INPP4A: variants seen among roughly 807,000 people sequenced by gnomAD.
INPP4A encodes inositol polyphosphate-4-phosphatase type I A.
Under a neutral mutation model 119.8 loss-of-function variants are expected in INPP4A, and 33 were observed. The observed-to-expected ratio is 0.28, with a 90% CI of 0.21 to 0.37. The LOEUF (loss-of-function observed/expected upper bound fraction) is 0.37, where lower values mean the gene tolerates loss of function less well. Among genes scored for constraint, INPP4A ranks in the 10% least tolerant of loss-of-function variants. The probability of loss-of-function intolerance (pLI) is 1.00; values close to 1 mark genes in which losing one functional copy is unlikely to be tolerated. For missense variants in INPP4A, 956 were observed against 1,289.9 expected, an observed-to-expected ratio of 0.74 and a Z score of 3.97; for synonymous variants, 496 against 500.7, an observed-to-expected ratio of 0.99 and a Z score of 0.12.
rs977776066 is a variant in INPP4A at position 98,576,871 on chromosome 2, G to A, written c.2632-118G>A. On this transcript the variant is annotated intron_variant, in intron 23 of 24. Coordinates refer to ENST00000409851, the MANE Select transcript of INPP4A (RefSeq NM_001134225.2). ...AAATTGGAGCGTCTGGCCAGGCCTGGGTGTTGAGTTTCTGTTCCTGCCCTT... is the reference window on the plus strand; with the variant it reads ...AAATTGGAGCGTCTGGCCAGGCCTGAGTGTTGAGTTTCTGTTCCTGCCCTT... 10 of 1,242,942 alleles carry A rather than the reference G, an allele frequency of 8.0e-6. No individual in the cohort carries two copies. The East Asian group carries it at 1.7e-4, about 21-fold the overall frequency. The allele number at this position is 1,242,942 out of a possible 1,614,324, so 77.0% of individuals were successfully genotyped here. A position where few individuals can be genotyped will look rare whatever the true frequency, so the allele number is the denominator to read the frequency against.
chr2:98,515,529 G>A (rs985508164), intron 1 of INPP4A, among the ~76,000 whole-genome samples: 1 of 152,116 alleles, frequency 6.6e-6, no homozygotes. Flanking sequence ...GATAACGATA[G>A]TTCATATTTC....
At chr2:98,478,510 G>T (rs951136252) in intron 1 of INPP4A, among the ~76,000 whole-genome samples, 4 of 152,230 alleles carry the variant, frequency 2.6e-5, no homozygotes, top group Non-Finnish European at 5.9e-5. Context: ...CAGGGCTGTG[G>T]GGGTAGGGGT....
intron 1 of INPP4A, among the ~76,000 whole-genome samples, chr2:98,493,315 T>A (rs1681222621): frequency 6.6e-6 from 1 of 152,144 alleles, no homozygotes; most frequent in African/African-American, 2.4e-5. Flanking sequence ...CTACCCCGAC[T>A]TCCTGGTGAC....
intron 1 of INPP4A, among the ~76,000 whole-genome samples, chr2:98,518,205 G>A (rs1002422880): frequency 1.3e-5 from 2 of 152,162 alleles, no homozygotes; most frequent in Admixed American, 1.3e-4. Context: ...GCCTTTTGAC[G>A]TTAACCAGCA....
intron 1 of INPP4A, among the ~76,000 whole-genome samples, chr2:98,479,216 G>A (rs1450414853): frequency 6.6e-6 from 1 of 152,112 alleles, no homozygotes; most frequent in Non-Finnish European, 1.5e-5. Context: ...CTAATTGGTG[G>A]CACTTCTAAT....
At position 98,546,108 on chromosome 2, in the gene INPP4A, AT is replaced by A. The variant is rs1692433520; in HGVS notation, c.1054+38del. 1 of 1,417,944 alleles carries A rather than the reference AT, an allele frequency of 7.1e-7. No homozygotes were observed. Among genetic ancestry groups the A allele is most frequent in the African/African-American group, 1.4e-5 (1 of 70,414 alleles). 87.8% of individuals were successfully genotyped at this position (1,417,944 alleles called of 1,614,324 possible). On this transcript the variant is annotated intron_variant, in intron 12 of 24. Coordinates refer to ENST00000409851, the MANE Select transcript of INPP4A (RefSeq NM_001134225.2). The surrounding 1 kb of genome is among the most constrained non-coding windows in gnomAD (Gnocchi z 4.2). ...TTTCTGCTCCCTCTTGTTGAATCAC[AT>A]TTCGCTGCTTTTCTCTGTGGGTACT... is the stretch of plus-strand genomic sequence containing the variant.
At chr2:98,533,519 G>T (rs758288363) in intron 5 of INPP4A, 24 bp downstream of exon 5, 1 of 1,394,758 alleles carries the variant, frequency 7.2e-7, no homozygotes, top group Non-Finnish European at 1.0e-6. Context: ...GTCTCTCTCT[G>T]AGGGGCTGTG....
At chr2:98,492,995 A>C (rs551268713) in intron 1 of INPP4A, among the ~76,000 whole-genome samples, 2 of 152,128 alleles carry the variant, frequency 1.3e-5, no homozygotes, top group Admixed American at 6.5e-5. Flanking sequence ...ATTATGGGCA[A>C]TGGTTTTATC....
Position 98,587,694 on chromosome 2 carries a change from G to T in INPP4A, c.*86G>T. 1 of 1,058,076 alleles carries T rather than the reference G, an allele frequency of 9.5e-7. No homozygotes were observed. The highest frequency in any genetic ancestry group is 1.3e-6 in the Non-Finnish European group (1 of 741,926). The allele number at this position is 1,058,076 out of a possible 1,614,324, so 65.5% of individuals were successfully genotyped here. On this transcript the variant is annotated 3_prime_UTR_variant, in exon 25 of 25. Coordinates refer to ENST00000409851, the MANE Select transcript of INPP4A (RefSeq NM_001134225.2). Reference sequence around the variant, plus strand: ...TATGAATTCTTCAAGAAGACCTGAAGGATTGGTTTTTATTTTTTGTGGTTT... The same window carrying T: ...TATGAATTCTTCAAGAAGACCTGAATGATTGGTTTTTATTTTTTGTGGTTT...
chr2:98,453,395 A>G (rs947618470), intron 1 of INPP4A, among the ~76,000 whole-genome samples: 7 of 152,250 alleles, frequency 4.6e-5, no homozygotes, highest in Admixed American at 2.0e-4. Flanking sequence ...TGAAATAGCA[A>G]ATATCCAAGT....
intron 1 of INPP4A, among the ~76,000 whole-genome samples, chr2:98,515,847 C>G (rs1686019920): frequency 6.6e-6 from 1 of 152,214 alleles, no homozygotes; most frequent in Non-Finnish European, 1.5e-5. Context: ...TCCACCACCC[C>G]TTTCCCTGCC....
At chr2:98,471,816 G>T (rs372424377) in intron 1 of INPP4A, among the ~76,000 whole-genome samples, 1 of 152,216 alleles carries the variant, frequency 6.6e-6, no homozygotes. Context: ...AGACAGCACC[G>T]TGGAGTTCGG....
Position 98,539,747 on chromosome 2 carries a change from G to A in INPP4A, c.818+72G>A, listed in dbSNP as rs147173642. ...TGCCCCTTCCTTTCTGAGATATAGC[G>A]GGCAGAGCACTGGCATCAGATAGAC... On this transcript the variant is annotated intron_variant, in intron 10 of 24. Transcript: ENST00000409851. 58 of 1,474,272 alleles carry A rather than the reference G, an allele frequency of 3.9e-5. No homozygotes were observed. In the Middle Eastern group the frequency reaches 7.1e-4, roughly 18 times the overall value. 91.3% of individuals were successfully genotyped at this position (1,474,272 alleles called of 1,614,324 possible).
intron 1 of INPP4A, among the ~76,000 whole-genome samples, chr2:98,497,526 C>T (rs149591827): frequency 6.8e-4 from 104 of 152,348 alleles, no homozygotes; most frequent in African/African-American, 2.4e-3. Context: ...GGACTATACC[C>T]TGCTGGCCAT....
rs1559090210 is a variant in INPP4A at position 98,566,592 on chromosome 2, G to A, written c.2420+423G>A. 1.3e-5 allele frequency among the ~76,000 whole-genome samples: 2 copies of A among 152,186 alleles called. No individual in the cohort carries two copies. The highest frequency in any genetic ancestry group is 2.9e-5 in the Non-Finnish European group (2 of 68,040). On this transcript the variant is annotated intron_variant, in intron 21 of 24. Transcript: ENST00000409851. This position sits in a 1 kb window ranked among gnomAD's most constrained non-coding sequence, Gnocchi z 4.2. ...GAAGACTGAAGAAAGGCCTGGCGAGGAGAAACAGCATGGAGTTCAGGGGCA... is the reference window on the plus strand; with the variant it reads ...GAAGACTGAAGAAAGGCCTGGCGAGAAGAAACAGCATGGAGTTCAGGGGCA...
intron 1 of INPP4A, among the ~76,000 whole-genome samples, chr2:98,445,332 G>T (rs1694009963): frequency 1.3e-5 from 2 of 152,190 alleles, no homozygotes; most frequent in African/African-American, 2.4e-5. Flanking sequence ...CAGGGAGCCG[G>T]GTGCCGAGCG....
At chr2:98,446,232 C>CTA (rs1694169281) in intron 1 of INPP4A, among the ~76,000 whole-genome samples, 2 of 152,250 alleles carry the variant, frequency 1.3e-5, no homozygotes, top group South Asian at 4.1e-4. Context: ...GAATTGCTTG[C>CTA]TATAGGTTGT....
chr2:98,473,229 G>T (rs1475401036), intron 1 of INPP4A, among the ~76,000 whole-genome samples: 9 of 139,662 alleles, frequency 6.4e-5, no homozygotes, highest in Admixed American at 2.8e-4. Flanking sequence ...GGGTGCAGTG[G>T]AGAGTGTGGA....
intron 24 of INPP4A, among the ~76,000 whole-genome samples, chr2:98,582,011 G>C (rs923437624): frequency 3.9e-5 from 6 of 152,158 alleles, no homozygotes; most frequent in Admixed American, 3.9e-4. Flanking sequence ...CCCTGTCACT[G>C]CATCGTTTAG....
Sources: allele counts gnomAD v4.1 joint callset (sites outside exome capture counted in the v4.1 genomes callset), GRCh38; gene constraint gnomAD v4.1.1; non-coding constraint Gnocchi (gnomAD v3.1); transcripts MANE v1.5; gene names NCBI Gene and HGNC (gene_info 2026-07-23, HGNC 2026-07-21).